Variants in TENM2 observed in about 807,000 individuals in gnomAD.
TENM2 encodes the protein teneurin transmembrane protein 2.
TENM2 carries 52 observed loss-of-function variants against 245.2 expected under a neutral mutation model. The observed-to-expected ratio is 0.21, with a 90% confidence interval of 0.17 to 0.27. The LOEUF (loss-of-function observed/expected upper bound fraction) is 0.27, where lower values mean the gene tolerates loss of function less well. Ranked by LOEUF, TENM2 falls within the 10% of genes least tolerant of loss-of-function variation. The pLI is 1.00. For synonymous variants in TENM2, 1,363 were observed against 1,438.9 expected (o/e 0.95, Z 1.19); for missense variants, 3,046 against 3,666.8 (o/e 0.83, Z 4.37).
intron 13 of TENM2, among the ~76,000 whole-genome samples, chr5:168,170,007 TC>T (rs1758655623): frequency 6.6e-6 from 1 of 152,120 alleles, no homozygotes; most frequent in Non-Finnish European, 1.5e-5. Context: ...AGATGCTGGG[TC>T]TCTCTTCTTT....
chr5:168,081,515 C>T (rs548776260), intron 7 of TENM2, among the ~76,000 whole-genome samples: 1 of 152,312 alleles, frequency 6.6e-6, no homozygotes, highest in East Asian at 1.9e-4. Flanking sequence ...GATGTGATTT[C>T]TTCCTAGCAT....
intron 4 of TENM2, among the ~76,000 whole-genome samples, chr5:167,964,465 G>A (rs1003039089): frequency 6.6e-6 from 1 of 152,132 alleles, no homozygotes; most frequent in Non-Finnish European, 1.5e-5. Flanking sequence ...CTTTTTAAAT[G>A]GTCATTCATT....
At chr5:167,920,582 T>C (rs1348291458) in intron 3 of TENM2, among the ~76,000 whole-genome samples, 1 of 151,460 alleles carries the variant, frequency 6.6e-6, no homozygotes, top group Non-Finnish European at 1.5e-5. Flanking sequence ...GGTACTATTG[T>C]AGATGCTGAG....
At chr5:167,618,975 G>A (rs760974625) in intron 2 of TENM2, among the ~76,000 whole-genome samples, 6 of 152,030 alleles carry the variant, frequency 3.9e-5, no homozygotes, top group Non-Finnish European at 8.8e-5. Context: ...CTTTTAGAAA[G>A]ACAATTGGGG....
At chr5:167,348,237 A>T (rs1455936279) in intron 1 of TENM2, among the ~76,000 whole-genome samples, 1 of 152,222 alleles carries the variant, frequency 6.6e-6, no homozygotes, top group Non-Finnish European at 1.5e-5. Context: ...AACGAATTGC[A>T]GCTCTGTTTG....
intron 2 of TENM2, among the ~76,000 whole-genome samples, chr5:167,564,018 C>G (rs1011249149): frequency 6.6e-6 from 1 of 152,188 alleles, no homozygotes; most frequent in African/African-American, 2.4e-5. Context: ...CTAAGTCTAT[C>G]CTATGTACCA....
Position 167,713,829 on chromosome 5 carries a change from C to T in TENM2, c.503-162157C>T, listed in dbSNP as rs1327166662. ...TTTAGCACCTAAAATTTTTCCTCTG[C>T]TCCCATTTTCTCATTTCCCTTTTCC... On this transcript the variant is annotated intron_variant, in intron 2 of 28. Coordinates refer to ENST00000518659, the Ensembl canonical transcript of TENM2. Among the ~76,000 whole-genome samples, 3 of 152,214 alleles carry T rather than the reference C, an allele frequency of 2.0e-5. No individual in the cohort carries two copies. In the East Asian group the frequency reaches 5.8e-4, roughly 29 times the overall value.
At chr5:167,287,226 T>C (rs899879437) in intron 1 of TENM2, 1 of 152,206 alleles carries the variant, frequency 6.6e-6, no homozygotes, top group African/African-American at 2.4e-5. Context: ...GAACAGGAGA[T>C]ACAATCTGGC....
exon 5 of TENM2, chr5:167,993,124 T>C (rs2152011901): frequency 6.2e-7 from 1 of 1,614,046 alleles, no homozygotes; most frequent in South Asian, 1.1e-5. Flanking sequence ...GGAAATGTGC[T>C]GCCCTCTCCG....
chr5:168,030,036 G>C (rs1180804779), intron 5 of TENM2, among the ~76,000 whole-genome samples: 1 of 152,026 alleles, frequency 6.6e-6, no homozygotes, highest in Admixed American at 6.6e-5. Context: ...GAGTCTCTCT[G>C]ATCATGGGTC....
At chr5:167,939,394 C>T (rs1032717250) in intron 3 of TENM2, among the ~76,000 whole-genome samples, 13 of 152,314 alleles carry the variant, frequency 8.5e-5, no homozygotes, top group Non-Finnish European at 1.6e-4. Context: ...ACCCTCTGCT[C>T]ACCTCCTACT....
intron 2 of TENM2, among the ~76,000 whole-genome samples, chr5:167,694,789 C>G (rs1182987567): frequency 6.6e-6 from 1 of 152,132 alleles, no homozygotes; most frequent in Non-Finnish European, 1.5e-5. Context: ...CTCACTGAAA[C>G]TGGACCGTGT....
intron 5 of TENM2, among the ~76,000 whole-genome samples, chr5:168,034,125 A>ATATATGTATACATATATATGTG (rs1562077503): frequency 1.7e-5 from 2 of 115,612 alleles, no homozygotes; most frequent in African/African-American, 7.9e-5. Flanking sequence ...ATATGTGTAT[A>ATATATGTATACATATATATGTG]TATATATATG....
chr5:167,710,051 A>C (rs1321168319), intron 2 of TENM2, among the ~76,000 whole-genome samples: 1 of 152,218 alleles, frequency 6.6e-6, no homozygotes, highest in Non-Finnish European at 1.5e-5. Flanking sequence ...TGGTGATGGT[A>C]GTAGAGAAAT....
chr5:168,206,757 A>C (rs1581632937), intron 19 of TENM2, among the ~76,000 whole-genome samples: 3 of 152,282 alleles, frequency 2.0e-5, no homozygotes, highest in Admixed American at 2.0e-4. Context: ...GCAACAGAGA[A>C]CCATGGGAGA....
At chr5:167,298,588 C>T (rs1030876562) in intron 1 of TENM2, among the ~76,000 whole-genome samples, 10 of 152,068 alleles carry the variant, frequency 6.6e-5, no homozygotes, top group East Asian at 3.9e-4. Flanking sequence ...TGGGCGACAG[C>T]GAGACTCCGT....
chr5:167,014,814 A>G, the TENM2 span, among the ~76,000 whole-genome samples: 1 of 152,194 alleles, frequency 6.6e-6, no homozygotes, highest in Non-Finnish European at 1.5e-5. Flanking sequence ...GAAACCAAAC[A>G]CTATCAATCC....
chr5:167,050,870 A>G, the TENM2 span, among the ~76,000 whole-genome samples: 85 of 152,280 alleles, frequency 5.6e-4, no homozygotes, highest in African/African-American at 2.0e-3. Context: ...GTTGCTTTCA[A>G]TGGGATCCTG....
chr5:167,568,378 G>T lies in TENM2; in HGVS notation c.502+192905G>T, dbSNP rs774785143. On this transcript the variant is annotated intron_variant, in intron 2 of 28. Transcript: ENST00000518659. ...TTTTAAAACACTGCTAGAAATAGAT[G>T]AATGTAGGCAAAATTGAATGGCTCA... 2.3e-4 allele frequency among the ~76,000 whole-genome samples: 35 copies of T among 152,076 alleles called. 1 individual carries two copies. The highest frequency in any genetic ancestry group is 4.3e-4 in the Non-Finnish European group (29 of 68,010).
Sources: allele counts gnomAD v4.1 joint callset (sites outside exome capture counted in the v4.1 genomes callset), GRCh38; gene constraint gnomAD v4.1.1; transcripts MANE v1.5; gene names NCBI Gene and HGNC (gene_info 2026-07-23, HGNC 2026-07-21).